IMMP2L: variants seen among roughly 807,000 people sequenced by gnomAD.
The protein encoded by IMMP2L is inner mitochondrial membrane peptidase subunit 2.
In IMMP2L, 18 loss-of-function variants were observed where a neutral mutation model predicts 19.3. The observed-to-expected ratio is 0.93, with a 90% confidence interval of 0.64 to 1.38. IMMP2L has a LOEUF of 1.38. Among genes scored for constraint, IMMP2L ranks in the 40% most tolerant of loss-of-function variants. The probability of loss-of-function intolerance (pLI) is 0.00; values close to 1 mark genes in which losing one functional copy is unlikely to be tolerated. For synonymous variants in IMMP2L, 76 were observed against 73.0 expected (o/e 1.04, Z -0.21); for missense variants, 233 against 218.2 (o/e 1.07, Z -0.43).
intron 5 of IMMP2L, among the ~76,000 whole-genome samples, chr7:110,811,969 G>A (rs1802070896): frequency 6.6e-6 from 1 of 152,040 alleles, no homozygotes; most frequent in Non-Finnish European, 1.5e-5. Flanking sequence ...GAACTTTGCT[G>A]CTACTTCTAC....
chr7:111,297,701 A>C (rs1584502649), intron 3 of IMMP2L, among the ~76,000 whole-genome samples: 1 of 152,290 alleles, frequency 6.6e-6, no homozygotes, highest in East Asian at 1.9e-4. Context: ...GTTGTGGTAT[A>C]TTCCCACAAA....
intron 3 of IMMP2L, among the ~76,000 whole-genome samples, chr7:111,130,351 A>G (rs868328092): frequency 6.6e-6 from 1 of 152,134 alleles, no homozygotes; most frequent in Non-Finnish European, 1.5e-5. Flanking sequence ...GACCTTAGTA[A>G]GCCTTTTAGA....
intron 3 of IMMP2L, among the ~76,000 whole-genome samples, chr7:111,125,693 A>AT (rs1171495302): frequency 6.6e-6 from 1 of 151,840 alleles, no homozygotes. Flanking sequence ...TCACTTAAGG[A>AT]TTTTTTTAAC....
At chr7:111,146,288 C>T (rs1488016964) in intron 3 of IMMP2L, among the ~76,000 whole-genome samples, 1 of 151,728 alleles carries the variant, frequency 6.6e-6, no homozygotes, top group Non-Finnish European at 1.5e-5. Context: ...GGAAGATTAT[C>T]TTGTTTCTCT....
intron 5 of IMMP2L, among the ~76,000 whole-genome samples, chr7:110,879,180 C>T (rs1054962047): frequency 6.6e-6 from 1 of 151,986 alleles, no homozygotes; most frequent in Non-Finnish European, 1.5e-5. Context: ...CAATTGAGGC[C>T]AGGAGTTTCA....
Position 110,751,167 on chromosome 7 carries a change from TA to T in IMMP2L, c.409-87447del, listed in dbSNP as rs879587311. On this transcript the variant is annotated intron_variant, in intron 5 of 5. Coordinates refer to ENST00000405709, the MANE Select transcript of IMMP2L (RefSeq NM_032549.4). ...CCACTTCGTCCCTCACTAAGAGACT[TA>T]AAAAAAAAAAAAATCATGTGTAAGA... 5.6e-3 allele frequency among the ~76,000 whole-genome samples: 792 copies of T among 141,460 alleles called. 2 individuals carry two copies. Among genetic ancestry groups the T allele is most frequent in the Middle Eastern group, 0.014 (4 of 276 alleles). 92.8% of individuals were successfully genotyped at this position (141,460 alleles called of 152,430 possible).
intron 3 of IMMP2L, among the ~76,000 whole-genome samples, chr7:111,132,703 G>T (rs1425232180): frequency 6.6e-6 from 1 of 151,954 alleles, no homozygotes; most frequent in Non-Finnish European, 1.5e-5. Flanking sequence ...TTAGATGACA[G>T]GGATTGCATA....
intron 5 of IMMP2L, among the ~76,000 whole-genome samples, chr7:110,829,594 AC>A (rs1803784568): frequency 6.6e-6 from 1 of 151,942 alleles, no homozygotes; most frequent in Non-Finnish European, 1.5e-5. Context: ...TCTTAGAAAA[AC>A]AAAAAAACAA....
At chr7:111,019,948 T>C (rs1408392091) in intron 3 of IMMP2L, among the ~76,000 whole-genome samples, 1 of 152,146 alleles carries the variant, frequency 6.6e-6, no homozygotes, top group African/African-American at 2.4e-5. Flanking sequence ...CCATGAAGCA[T>C]TTCCGGATCA....
intron 3 of IMMP2L, among the ~76,000 whole-genome samples, chr7:111,296,085 A>C (rs916196724): frequency 3.3e-5 from 5 of 151,780 alleles, no homozygotes; most frequent in African/African-American, 1.2e-4. Flanking sequence ...ATCATTTAAA[A>C]ATGAAAAAGG....
chr7:111,062,729 G>A (rs1224910454), intron 3 of IMMP2L, among the ~76,000 whole-genome samples: 3 of 152,190 alleles, frequency 2.0e-5, no homozygotes, highest in Non-Finnish European at 4.4e-5. Flanking sequence ...GGAGATACAG[G>A]CCTCATGCAA....
At chr7:110,936,516 G>A (rs1270687914) in intron 4 of IMMP2L, among the ~76,000 whole-genome samples, 1 of 152,210 alleles carries the variant, frequency 6.6e-6, no homozygotes, top group African/African-American at 2.4e-5. Context: ...TCTCACACCA[G>A]TTAGAATGGC....
intron 3 of IMMP2L, among the ~76,000 whole-genome samples, chr7:111,183,586 G>A (rs1215738591): frequency 6.6e-6 from 1 of 152,058 alleles, no homozygotes; most frequent in Non-Finnish European, 1.5e-5. Context: ...TGTATCCAGA[G>A]CTTAACTGGG....
At chr7:111,047,443 C>T (rs1408405310) in intron 3 of IMMP2L, among the ~76,000 whole-genome samples, 1 of 152,128 alleles carries the variant, frequency 6.6e-6, no homozygotes, top group Non-Finnish European at 1.5e-5. Flanking sequence ...CCACCTTGGC[C>T]TCTCAAAGTG....
intron 3 of IMMP2L, among the ~76,000 whole-genome samples, chr7:111,098,292 A>T (rs1797613136): frequency 6.6e-6 from 1 of 151,866 alleles, no homozygotes; most frequent in Non-Finnish European, 1.5e-5. Context: ...AGTTGTTGAA[A>T]GAGTTTCATA....
At chr7:111,513,088 C>A (rs1168398997) in intron 2 of IMMP2L, among the ~76,000 whole-genome samples, 1 of 151,998 alleles carries the variant, frequency 6.6e-6, no homozygotes, top group Non-Finnish European at 1.5e-5. Context: ...CCCAAAAGCA[C>A]AAGCAACAAA....
At chr7:110,981,295 G>T (rs1156436892) in intron 3 of IMMP2L, among the ~76,000 whole-genome samples, 2 of 151,996 alleles carry the variant, frequency 1.3e-5, no homozygotes, top group African/African-American at 2.4e-5. Context: ...ATTATTGGGT[G>T]TGGCAATAGT....
intron 3 of IMMP2L, among the ~76,000 whole-genome samples, chr7:111,119,254 CA>C (rs1424238523): frequency 6.6e-6 from 1 of 152,144 alleles, no homozygotes; most frequent in African/African-American, 2.4e-5. Context: ...TCTGGACATA[CA>C]GGGGCAATAG....
At chr7:111,387,380 T>C (rs1407947678) in intron 3 of IMMP2L, among the ~76,000 whole-genome samples, 1 of 152,164 alleles carries the variant, frequency 6.6e-6, no homozygotes, top group African/African-American at 2.4e-5. Context: ...AAGAACACTT[T>C]GTTACTTGAA....
Sources: gnomAD v4.1 joint callset for allele counts (sites outside exome capture counted in the v4.1 genomes callset) on GRCh38, gnomAD v4.1.1 for gene constraint, MANE v1.5 for transcripts, NCBI Gene and HGNC (gene_info 2026-07-23, HGNC 2026-07-21) for gene names.